Variants in ZNF469 observed in about 807,000 individuals in gnomAD.
The protein encoded by ZNF469 is zinc finger protein 469.
A neutral mutation model predicts 1.0 loss-of-function variants in ZNF469; 1 was observed. That is an observed-to-expected ratio of 1.00 (90% CI 0.35 to 4.73). The LOEUF (loss-of-function observed/expected upper bound fraction) is 4.73. Among genes scored for constraint, ZNF469 ranks in the 30% most tolerant of loss-of-function variants. The pLI is 0.16. For synonymous variants in ZNF469, 2,703 were observed against 2,363.4 expected (o/e 1.14, Z -4.17); for missense variants, 6,100 against 5,356.3 (o/e 1.14, Z -4.33).
At chr16:88,318,192 G>A in the ZNF469 span, among the ~76,000 whole-genome samples, 2 of 152,220 alleles carry the variant, frequency 1.3e-5, no homozygotes, top group Admixed American at 6.5e-5. Flanking sequence ...AGCCTGGGCT[G>A]GAGGGAGGCC....
the ZNF469 span, among the ~76,000 whole-genome samples, chr16:88,142,645 G>C: frequency 2.6e-5 from 4 of 152,152 alleles, no homozygotes; most frequent in African/African-American, 7.2e-5. Flanking sequence ...CCTGGGGCTC[G>C]AACTCTATTG....
chr16:88,425,807 C>G (rs1905673752), intron 2 of ZNF469, among the ~76,000 whole-genome samples: 1 of 152,234 alleles, frequency 6.6e-6, no homozygotes, highest in African/African-American at 2.4e-5. Flanking sequence ...CAGGAGGTAC[C>G]TCAGTGGTGG....
At chr16:88,318,021 G>A in the ZNF469 span, among the ~76,000 whole-genome samples, 6 of 152,184 alleles carry the variant, frequency 3.9e-5, no homozygotes, top group African/African-American at 1.4e-4. Context: ...CCTGTCCTCT[G>A]CTGTCCTTTA....
At chr16:88,188,838 A>G in the ZNF469 span, among the ~76,000 whole-genome samples, 1 of 152,120 alleles carries the variant, frequency 6.6e-6, no homozygotes, top group Admixed American at 6.5e-5. Context: ...GTGGAGTTTG[A>G]GGAGCACAGC....
At chr16:88,376,646 G>C in the ZNF469 span, among the ~76,000 whole-genome samples, 1 of 152,258 alleles carries the variant, frequency 6.6e-6, no homozygotes, top group East Asian at 1.9e-4. Context: ...GGCTGAGTGA[G>C]GGATGCTCCG....
At chr16:88,207,887 A>G in the ZNF469 span, among the ~76,000 whole-genome samples, 2 of 152,092 alleles carry the variant, frequency 1.3e-5, no homozygotes, top group East Asian at 1.9e-4. Flanking sequence ...TCCCCTTTCC[A>G]TATGAAGACG....
the ZNF469 span, among the ~76,000 whole-genome samples, chr16:88,366,625 A>G: frequency 2.1e-5 from 1 of 47,660 alleles, no homozygotes; most frequent in Non-Finnish European, 8.8e-5. Context: ...CATCACCACT[A>G]TCAGCACCAT....
chr16:88,283,558 A>C, the ZNF469 span, among the ~76,000 whole-genome samples: 1 of 151,950 alleles, frequency 6.6e-6, no homozygotes, highest in Non-Finnish European at 1.5e-5. Context: ...GTGTTTGAAA[A>C]TTTTCCCAAT....
chr16:88,132,562 C>T, the ZNF469 span, among the ~76,000 whole-genome samples: 9,794 of 152,258 alleles, frequency 0.064, 471 homozygotes, highest in Admixed American at 0.13. Flanking sequence ...TGGAGACACA[C>T]GCTGGCCCCA....
At chr16:88,359,762 T>C in the ZNF469 span, among the ~76,000 whole-genome samples, 2 of 152,208 alleles carry the variant, frequency 1.3e-5, no homozygotes, top group Non-Finnish European at 2.9e-5. Context: ...TCCCCCAACA[T>C]TGGATCTGAA....
the ZNF469 span, among the ~76,000 whole-genome samples, chr16:88,162,491 A>G: frequency 1.3e-5 from 2 of 152,198 alleles, no homozygotes; most frequent in African/African-American, 4.8e-5. Flanking sequence ...TAATCAATAC[A>G]AAGGATTTTA....
At chr16:88,403,849 G>A (rs536283344) in intron 1 of ZNF469, among the ~76,000 whole-genome samples, 1 of 152,204 alleles carries the variant, frequency 6.6e-6, no homozygotes, top group Non-Finnish European at 1.5e-5. Flanking sequence ...CCTCCCCTCA[G>A]TCCCAGGACA....
the ZNF469 span, among the ~76,000 whole-genome samples, chr16:88,240,078 G>T: frequency 6.6e-6 from 1 of 150,592 alleles, no homozygotes; most frequent in African/African-American, 2.4e-5. Flanking sequence ...AAACACCCAT[G>T]CCCATTGGTG....
chr16:88,319,997 G>A, the ZNF469 span, among the ~76,000 whole-genome samples: 7 of 152,172 alleles, frequency 4.6e-5, no homozygotes, highest in Admixed American at 6.5e-5. Flanking sequence ...CTGACTCCTC[G>A]CCACACAGGC....
the ZNF469 span, among the ~76,000 whole-genome samples, chr16:88,192,798 AATG>A: frequency 1.2e-4 from 1 of 8,350 alleles, no homozygotes; most frequent in Admixed American, 1.2e-3. Context: ...TGGTGATGAC[AATG>A]ATGGTAATGA....
intron 1 of ZNF469, among the ~76,000 whole-genome samples, chr16:88,388,967 C>G (rs1052589218): frequency 6.6e-6 from 1 of 152,264 alleles, no homozygotes; most frequent in African/African-American, 2.4e-5. Flanking sequence ...GGGCCATCCT[C>G]TGTGCCTTAC....
chr16:88,397,279 G>A (rs527367564), intron 1 of ZNF469, among the ~76,000 whole-genome samples: 1 of 152,388 alleles, frequency 6.6e-6, no homozygotes, highest in East Asian at 1.9e-4. Context: ...TGGGATGGAT[G>A]TGGTGCCCTG....
At chr16:88,238,388 C>T in the ZNF469 span, among the ~76,000 whole-genome samples, 1 of 152,158 alleles carries the variant, frequency 6.6e-6, no homozygotes, top group Admixed American at 6.5e-5. Context: ...GAAGGGATGT[C>T]CCAAAGTGGG....
the ZNF469 span, among the ~76,000 whole-genome samples, chr16:88,245,145 AAG>A: frequency 4.6e-5 from 7 of 151,810 alleles, no homozygotes; most frequent in Non-Finnish European, 7.4e-5. Context: ...GGGAGGAAAG[AAG>A]GGGTGTGTTC....
Sources: gnomAD v4.1 joint callset for allele counts (sites outside exome capture counted in the v4.1 genomes callset) on GRCh38, gnomAD v4.1.1 for gene constraint, MANE v1.5 for transcripts, NCBI Gene and HGNC (gene_info 2026-07-23, HGNC 2026-07-21) for gene names.